CENATAC: variants seen among roughly 807,000 people sequenced by gnomAD.
The protein encoded by CENATAC is coiled-coil domain containing 84.
Under a neutral mutation model 53.7 loss-of-function variants are expected in CENATAC, and 53 were observed. The observed-to-expected ratio is 0.99, with a 90% CI of 0.79 to 1.24. The LOEUF is 1.24. CENATAC is among the 50% of genes most tolerant of loss of function. CENATAC has a pLI of 0.00. For synonymous variants in CENATAC, 156 were observed against 144.6 expected (o/e 1.08, Z -0.57); for missense variants, 474 against 417.8 (o/e 1.13, Z -1.17).
At chr11:119,011,099 T>C (rs974351938) in intron 4 of CENATAC, 122 bp from the exon 5 acceptor site, 24 of 795,118 alleles carry the variant, frequency 3.0e-5, no homozygotes, top group Non-Finnish European at 4.7e-5. Context: ...GCCTGCTTCC[T>C]GACAGGCCAC....
At chr11:119,011,794 G>C (rs765676225) in intron 5 of CENATAC, 145 bp from the exon 6 acceptor site, 38 of 686,078 alleles carry the variant, frequency 5.5e-5, no homozygotes, top group Non-Finnish European at 8.5e-5. Flanking sequence ...GAGGGAGGGA[G>C]GGAAGAGTCT....
chr11:119,008,053 A>G (rs782616242), intron 3 of CENATAC, among the ~76,000 whole-genome samples: 10 of 152,220 alleles, frequency 6.6e-5, no homozygotes, highest in Non-Finnish European at 1.5e-4. Context: ...AATCAAATCT[A>G]GACTGTAGTA....
Position 119,010,831 on chromosome 11 carries a change from G to T in CENATAC, c.450+1G>T. ...AAAGGAGGATAAAGTGATCAAGGAG[G>T]TAAGTTAAAGTAGCAGTCCCTCACC... On this transcript the variant is annotated splice_donor_variant, in intron 4 of 10. Coordinates refer to ENST00000334418, the MANE Select transcript of CENATAC (RefSeq NM_198489.3). LOFTEE classifies it high-confidence loss of function. The T allele has an allele frequency of 6.2e-7, 1 of 1,613,724 alleles. No individual in the cohort carries two copies. Among genetic ancestry groups the T allele is most frequent in the South Asian group, 1.1e-5 (1 of 91,082 alleles).
Position 119,011,215 on chromosome 11 carries a change from C to G in CENATAC, c.451-6C>G. The G allele has an allele frequency of 6.2e-7, 1 of 1,613,586 alleles. No individual in the cohort carries two copies. Among genetic ancestry groups the G allele is most frequent in the Non-Finnish European group, 8.5e-7 (1 of 1,179,576 alleles). Reference sequence around the variant, plus strand: ...TGTACCTGTCTAAGCAGCCTCTCTCCCACAGATGGCAGCTCAGATCCGTGA... The same window carrying G: ...TGTACCTGTCTAAGCAGCCTCTCTCGCACAGATGGCAGCTCAGATCCGTGA... On this transcript the variant is annotated splice_polypyrimidine_tract_variant and splice_region_variant and intron_variant, in intron 4 of 10. Transcript: ENST00000334418.
intron 7 of CENATAC, 58 bp downstream of exon 7, chr11:119,012,312 T>C: frequency 4.4e-6 from 7 of 1,577,118 alleles, no homozygotes; most frequent in East Asian, 2.3e-5. Flanking sequence ...TCAGGACCCC[T>C]TTCTCCTGAT....
At chr11:119,007,282 C>G (rs1426907171) in intron 3 of CENATAC, among the ~76,000 whole-genome samples, 4 of 152,118 alleles carry the variant, frequency 2.6e-5, no homozygotes, top group African/African-American at 9.7e-5. Flanking sequence ...CTCCCAGGTT[C>G]AAGTGATTCT....
intron 3 of CENATAC, chr11:118,999,382 TAGAAG>T (rs782433308): frequency 2.1e-5 from 7 of 334,346 alleles, no homozygotes; most frequent in Non-Finnish European, 3.3e-5. Context: ...ATACTAACGT[TAGAAG>T]AGGCTGTTTA....
intron 4 of CENATAC, 30 bp from the exon 5 acceptor site, chr11:119,011,191 G>T (rs546226077): frequency 6.2e-7 from 1 of 1,602,258 alleles, no homozygotes; most frequent in Non-Finnish European, 8.5e-7. Context: ...CCATGATCCT[G>T]TACCTGTCTA....
At chr11:119,000,030 G>A (rs947980359) in intron 3 of CENATAC, among the ~76,000 whole-genome samples, 4 of 152,202 alleles carry the variant, frequency 2.6e-5, no homozygotes, top group South Asian at 2.1e-4. Flanking sequence ...ACCCGCCTTG[G>A]CCTCCCAAAG....
At chr11:118,998,627 G>A (rs1312477002) in intron 2 of CENATAC, 34 bp downstream of exon 2, 4 of 1,549,654 alleles carry the variant, frequency 2.6e-6, no homozygotes, top group Admixed American at 2.0e-5. Flanking sequence ...CTCCAGCACA[G>A]ACGCATACAT....
At chr11:119,010,686 AAAAAT>A (rs1410878542) in intron 3 of CENATAC, 73 bp from the exon 4 acceptor site, 3 of 1,290,210 alleles carry the variant, frequency 2.3e-6, no homozygotes, top group Non-Finnish European at 3.3e-6. Context: ...TCAAAATTAA[AAAAAT>A]ATCTACTGAG....
At chr11:119,006,391 C>T (rs1446264945) in intron 3 of CENATAC, among the ~76,000 whole-genome samples, 1 of 152,048 alleles carries the variant, frequency 6.6e-6, no homozygotes, top group Non-Finnish European at 1.5e-5. Context: ...CGCCCGCCAC[C>T]ATGCCTGGCT....
intron 8 of CENATAC, among the ~76,000 whole-genome samples, chr11:119,013,485 A>G (rs1195170239): frequency 1.5e-5 from 2 of 129,508 alleles, no homozygotes; most frequent in Non-Finnish European, 1.6e-5. Context: ...TTTTTTTGAG[A>G]CGGAGTCTCG....
intron 3 of CENATAC, among the ~76,000 whole-genome samples, chr11:119,008,469 T>C (rs561088619): frequency 1.3e-5 from 2 of 152,270 alleles, no homozygotes; most frequent in Non-Finnish European, 1.5e-5. Context: ...AACATCTCAG[T>C]GGAGTAAAGA....
At chr11:119,011,107 C>A in intron 4 of CENATAC, 114 bp from the exon 5 acceptor site, 1 of 849,586 alleles carries the variant, frequency 1.2e-6, no homozygotes, top group Non-Finnish European at 1.9e-6. Flanking sequence ...CCTGACAGGC[C>A]ACAGACCAGT....
chr11:118,998,518 G>C lies in CENATAC; in HGVS notation c.209G>C (p.Gly70Ala), dbSNP rs917425937. Residue 70 changes from glycine to alanine, a missense_variant, in exon 2 of 11, where the codon GGC (glycine) becomes GCC (alanine). By Grantham distance (60) the Gly-to-Ala change is moderately conservative (BLOSUM62 0). Coordinates refer to ENST00000334418, the MANE Select transcript of CENATAC (RefSeq NM_198489.3). ...HERCCWCLCC[G>A]CEVREHLSHG... is the part of the protein sequence containing the mutation. ...CGATGCTGCTGGTGCCTGTGCTGCG[G>C]CTGTGAGGTGCGGGAACACCTGAGC... 2 of 1,609,150 alleles carry C rather than the reference G, an allele frequency of 1.2e-6. No individual in the cohort carries two copies. The highest frequency in any genetic ancestry group is 2.7e-5 in the African/African-American group (2 of 74,886).
At chr11:119,012,992 T>C (rs1592077601) in intron 7 of CENATAC, 2 of 438,642 alleles carry the variant, frequency 4.6e-6, no homozygotes, top group East Asian at 3.7e-5. Context: ...TGGCATGTAA[T>C]AGCCACTCTA....
chr11:119,009,652 A>G (rs1338286599), intron 3 of CENATAC: 1 of 152,198 alleles, frequency 6.6e-6, no homozygotes, highest in Non-Finnish European at 1.5e-5. Context: ...TTTCAGCCAC[A>G]ATTCGGTAAG....
rs1301986103 is a variant in CENATAC at position 118,999,062 on chromosome 11, G to C, written c.336G>C (p.Glu112Asp). Residue 112 changes from glutamate (E) to aspartate (D), a missense_variant, in exon 3 of 11, where the codon GAG becomes GAC. Coordinates refer to ENST00000334418, the MANE Select transcript of CENATAC (RefSeq NM_198489.3). Reference sequence around the variant, plus strand: ...AATTCTGGTGGGAGAACAAAGCTGAGGTCCAGATGAAAGAGAAGTTTCTGG... The same window carrying C: ...AATTCTGGTGGGAGAACAAAGCTGACGTCCAGATGAAAGAGAAGTTTCTGG... ...TNKFWWENKAEVQMKEKFLVT... is the reference protein window; with the variant it reads ...TNKFWWENKADVQMKEKFLVT... 6.4e-5 allele frequency: 104 copies of C among 1,614,004 alleles called. No homozygotes were observed. Among genetic ancestry groups the C allele is most frequent in the Non-Finnish European group, 8.7e-5 (103 of 1,180,030 alleles).
Sources: gnomAD v4.1 joint callset for allele counts (sites outside exome capture counted in the v4.1 genomes callset) on GRCh38, gnomAD v4.1.1 for gene constraint, MANE v1.5 for transcripts, NCBI Gene and HGNC (gene_info 2026-07-23, HGNC 2026-07-21) for gene names.